The following KCNN2 variants were observed in gnomAD, a reference collection of about 807,000 sequenced individuals.
The protein encoded by KCNN2 is potassium calcium-activated channel subfamily N member 2.
Under a neutral mutation model 55.5 loss-of-function variants are expected in KCNN2, and 24 were observed. The ratio of observed to expected loss-of-function variants is 0.43; its 90% CI spans 0.31 to 0.61. The LOEUF is 0.61. Among genes scored for constraint, KCNN2 ranks in the 20% least tolerant of loss-of-function variants. The pLI is 0.08. For missense variants in KCNN2, 754 were observed against 853.6 expected (o/e 0.88, Z 1.45); for synonymous variants, 431 against 336.1 (o/e 1.28, Z -3.09).
intron 1 of KCNN2, among the ~76,000 whole-genome samples, chr5:114,083,033 A>G (rs1750859236): frequency 6.6e-6 from 1 of 152,176 alleles, no homozygotes; most frequent in South Asian, 2.1e-4. Context: ...ATTGAACTTT[A>G]TACTTAGGAA....
At chr5:114,467,853 T>TATC (rs1351239707) in intron 4 of KCNN2, among the ~76,000 whole-genome samples, 10 of 152,206 alleles carry the variant, frequency 6.6e-5, no homozygotes, top group Non-Finnish European at 2.9e-5. Flanking sequence ...CTGCCCTTCC[T>TATC]ATCTCTGAAG....
chr5:114,068,433 A>G (rs1750495215), intron 1 of KCNN2, among the ~76,000 whole-genome samples: 1 of 152,036 alleles, frequency 6.6e-6, no homozygotes, highest in Non-Finnish European at 1.5e-5. Flanking sequence ...CTGTTTATTC[A>G]CTATTTCAGA....
At chr5:114,107,183 G>A (rs540577477) in intron 1 of KCNN2, among the ~76,000 whole-genome samples, 1 of 152,108 alleles carries the variant, frequency 6.6e-6, no homozygotes, top group South Asian at 2.1e-4. Flanking sequence ...TAGCATCTTT[G>A]TTGTAAAGTA....
At chr5:114,480,988 A>G (rs1174391838) in intron 5 of KCNN2, among the ~76,000 whole-genome samples, 1 of 152,200 alleles carries the variant, frequency 6.6e-6, no homozygotes, top group Admixed American at 6.5e-5. Flanking sequence ...CTCCTATTCA[A>G]CATAGTATGG....
At chr5:114,479,687 C>A (rs1033250236) in intron 5 of KCNN2, among the ~76,000 whole-genome samples, 11 of 152,130 alleles carry the variant, frequency 7.2e-5, no homozygotes, top group Admixed American at 2.0e-4. Context: ...AGTCTCAGAC[C>A]ACAGTGCAAT....
At chr5:114,322,452 T>G (rs1756630822) in intron 2 of KCNN2, among the ~76,000 whole-genome samples, 1 of 152,200 alleles carries the variant, frequency 6.6e-6, no homozygotes, top group Non-Finnish European at 1.5e-5. Flanking sequence ...CTGTTTATTT[T>G]ATGTGAAAAC....
intron 2 of KCNN2, among the ~76,000 whole-genome samples, chr5:114,373,774 T>C (rs1397928063): frequency 2.0e-5 from 3 of 147,816 alleles, no homozygotes; most frequent in African/African-American, 7.4e-5. Context: ...GGAGCTCAGC[T>C]TCTCTGGGCT....
intron 3 of KCNN2, among the ~76,000 whole-genome samples, chr5:114,453,141 G>A (rs773991404): frequency 5.5e-4 from 83 of 152,244 alleles, no homozygotes; most frequent in Non-Finnish European, 8.1e-4. Context: ...GAAAAAAGTC[G>A]TAGGTGTACC....
intron 2 of KCNN2, among the ~76,000 whole-genome samples, chr5:114,372,033 A>G (rs1757772328): frequency 6.6e-6 from 1 of 152,206 alleles, no homozygotes; most frequent in Admixed American, 6.5e-5. Flanking sequence ...TCAGACCAGC[A>G]TATCAGCCTG....
chr5:114,070,525 G>T (rs1750546767), intron 1 of KCNN2, among the ~76,000 whole-genome samples: 3 of 152,212 alleles, frequency 2.0e-5, no homozygotes, highest in African/African-American at 7.2e-5. Flanking sequence ...CTAGTTAGCT[G>T]TCAGGCAAGG....
Position 114,496,069 on chromosome 5 carries a change from C to T in KCNN2, c.2263C>T (p.Gln755Ter). The change falls in exon 8 of 8, where the codon CAG becomes TAG. Residue 755 changes from glutamine to a stop codon, truncating the protein, a stop_gained. Transcript: ENST00000673685. LOFTEE classifies it high-confidence loss of function. ...RQQQRDFIEAQMESYDKHVTY... is the reference protein window; with the variant it reads ...RQQQRDFIEA ...GCAGCAGAGAGATTTCATTGAGGCT[C>T]AGATGGAGAGCTACGACAAGCACGT... is the stretch of plus-strand genomic sequence containing the variant. 1.9e-6 allele frequency: 3 copies of T among 1,614,074 alleles called. No homozygotes were observed. The highest frequency in any genetic ancestry group is 2.5e-6 in the Non-Finnish European group (3 of 1,179,974).
intron 1 of KCNN2, among the ~76,000 whole-genome samples, chr5:114,061,926 G>A (rs148791303): frequency 3.9e-5 from 6 of 152,116 alleles, no homozygotes; most frequent in Non-Finnish European, 7.4e-5. Context: ...TTCTTGACTA[G>A]AGAAAAAATA....
At chr5:114,436,618 T>C (rs950765278) in intron 3 of KCNN2, among the ~76,000 whole-genome samples, 1 of 152,242 alleles carries the variant, frequency 6.6e-6, no homozygotes, top group Non-Finnish European at 1.5e-5. Context: ...ATACTTTGTT[T>C]CTTCATCTTT....
chr5:114,449,156 G>T (rs1760540802), intron 3 of KCNN2, among the ~76,000 whole-genome samples: 1 of 152,052 alleles, frequency 6.6e-6, no homozygotes, highest in Non-Finnish European at 1.5e-5. Flanking sequence ...TCATTTTGTG[G>T]CCTGCTGTAC....
At chr5:114,487,203 CTGT>C (rs756125866) in intron 6 of KCNN2, 26 bp downstream of exon 6, 86 of 1,607,484 alleles carry the variant, frequency 5.3e-5, no homozygotes, top group East Asian at 1.1e-4. Context: ...CATTTTTATC[CTGT>C]TGTTGTGTCC....
intron 2 of KCNN2, among the ~76,000 whole-genome samples, chr5:114,391,157 C>G (rs1758440567): frequency 6.6e-6 from 1 of 151,970 alleles, no homozygotes; most frequent in South Asian, 2.1e-4. Flanking sequence ...AGAGCTTTTC[C>G]CAATACTGAC....
intron 1 of KCNN2, among the ~76,000 whole-genome samples, chr5:114,164,963 G>T (rs1245521766): frequency 1.3e-5 from 2 of 152,084 alleles, no homozygotes; most frequent in African/African-American, 4.8e-5. Flanking sequence ...ATCCTATAAG[G>T]AAGGCACTAT....
Position 114,144,346 on chromosome 5 carries a change from C to T in KCNN2, c.-270-77134C>T, listed in dbSNP as rs1339131023. Among the ~76,000 whole-genome samples the T allele has an allele frequency of 4.6e-5, 7 of 152,110 alleles. No individual in the cohort carries two copies. In the East Asian group the frequency reaches 1.2e-3, roughly 25 times the overall value. On this transcript the variant is annotated intron_variant, in intron 1 of 10. Transcript: ENST00000512097. The stretch of plus-strand genomic sequence containing the variant: ...GATCAATACCTGACTGAGAATTCCA[C>T]ATCCAAGTAGAATTTTTTTGCCATT...
chr5:114,293,822 T>A (rs1289447740), intron 2 of KCNN2, among the ~76,000 whole-genome samples: 2 of 152,222 alleles, frequency 1.3e-5, no homozygotes, highest in African/African-American at 4.8e-5. Flanking sequence ...CATCTGGTCC[T>A]GGACTCTTTT....
Sources: gnomAD v4.1 joint callset for allele counts (sites outside exome capture counted in the v4.1 genomes callset) on GRCh38, gnomAD v4.1.1 for gene constraint, MANE v1.5 for transcripts, NCBI Gene and HGNC (gene_info 2026-07-23, HGNC 2026-07-21) for gene names.